Variants in CSGALNACT1 observed in about 807,000 individuals in gnomAD.
The protein encoded by CSGALNACT1 is beta4GalNAcT-1.
In CSGALNACT1, 52 loss-of-function variants were observed where a neutral mutation model predicts 51.0. The ratio of observed to expected loss-of-function variants is 1.02; its 90% confidence interval spans 0.82 to 1.29. CSGALNACT1 has a LOEUF of 1.29. Among genes scored for constraint, CSGALNACT1 ranks in the 50% most tolerant of loss-of-function variants. The probability of loss-of-function intolerance (pLI) is 0.00; values close to 1 mark genes in which losing one functional copy is unlikely to be tolerated. For missense variants in CSGALNACT1, 935 were observed against 679.2 expected (o/e 1.38, Z -4.19); for synonymous variants, 341 against 254.4 (o/e 1.34, Z -3.24).
intron 1 of CSGALNACT1, among the ~76,000 whole-genome samples, chr8:19,667,007 GAAAGA>G (rs1564386078): frequency 1.5e-3 from 46 of 31,676 alleles, no homozygotes; most frequent in South Asian, 3.6e-3. Context: ...AAGAAAGAAA[GAAAGA>G]AAGAAAGGAA....
chr8:19,553,442 G>A (rs1346511727), intron 3 of CSGALNACT1, among the ~76,000 whole-genome samples: 2 of 151,748 alleles, frequency 1.3e-5, no homozygotes, highest in Non-Finnish European at 1.5e-5. Flanking sequence ...TCTATCTTCT[G>A]GCATTTGGGA....
chr8:19,625,332 T>G (rs1313356661), intron 1 of CSGALNACT1, among the ~76,000 whole-genome samples: 2 of 152,246 alleles, frequency 1.3e-5, no homozygotes, highest in African/African-American at 4.8e-5. Flanking sequence ...ACTTCATACA[T>G]GCTGTGTTTA....
chr8:19,707,047 C>T (rs2062213553), intron 1 of CSGALNACT1, among the ~76,000 whole-genome samples: 1 of 152,066 alleles, frequency 6.6e-6, no homozygotes, highest in African/African-American at 2.4e-5. Flanking sequence ...CCGGGAAGCT[C>T]TTACCAGCAC....
intron 3 of CSGALNACT1, among the ~76,000 whole-genome samples, chr8:19,570,684 G>C (rs4282588): frequency 0.19 from 28,269 of 152,106 alleles, 4,389 homozygotes; most frequent in African/African-American, 0.43. Context: ...GGCAGATCAC[G>C]AGGGTAGGAG....
chr8:19,687,319 G>C (rs2061032190), upstream of CSGALNACT1, among the ~76,000 whole-genome samples: 1 of 152,126 alleles, frequency 6.6e-6, no homozygotes, highest in Non-Finnish European at 1.5e-5. Flanking sequence ...CTACTAGGCA[G>C]AAAAACTTAG....
At chr8:19,420,502 T>C in exon 7 of CSGALNACT1, 1 of 1,614,070 alleles carries the variant, frequency 6.2e-7, no homozygotes, top group Non-Finnish European at 8.5e-7. Flanking sequence ...AAGGTAAAGT[T>C]CCTGAAGTTG....
chr8:19,578,322 C>G (rs1363708289), intron 3 of CSGALNACT1, among the ~76,000 whole-genome samples: 1 of 152,196 alleles, frequency 6.6e-6, no homozygotes, highest in Non-Finnish European at 1.5e-5. Flanking sequence ...GGATGGCTCA[C>G]TGGAGTGACC....
rs143165789 is a variant in CSGALNACT1 at position 19,668,848 on chromosome 8, C to T, written c.-544+13625G>A. Among the ~76,000 whole-genome samples, 427 of 152,246 alleles carry T rather than the reference C, an allele frequency of 2.8e-3. 3 individuals are homozygous for T. Among genetic ancestry groups the T allele is most frequent in the African/African-American group, 9.5e-3 (393 of 41,538 alleles). On this transcript the variant is annotated intron_variant, in intron 1 of 9. Transcript: ENST00000332246. Reference sequence around the variant, plus strand: ...GATTACAGGAGTGAGCCACTGTGCCCGGCCTGCCAATTTATTTAAAATGGG... The same window carrying T: ...GATTACAGGAGTGAGCCACTGTGCCTGGCCTGCCAATTTATTTAAAATGGG...
chr8:19,700,118 A>C (rs1171031803), intron 1 of CSGALNACT1, among the ~76,000 whole-genome samples: 1 of 71,240 alleles, frequency 1.4e-5, no homozygotes, highest in African/African-American at 4.3e-5. Context: ...TCTCAAAAAA[A>C]AAAAAAAGAA....
chr8:19,515,853 G>T (rs1389430873), intron 3 of CSGALNACT1, among the ~76,000 whole-genome samples: 1 of 152,256 alleles, frequency 6.6e-6, no homozygotes, highest in East Asian at 1.9e-4. Flanking sequence ...AAGACCTAAG[G>T]CAGGTAGTTG....
chr8:19,531,282 T>G (rs901146601), intron 3 of CSGALNACT1, among the ~76,000 whole-genome samples: 1 of 152,144 alleles, frequency 6.6e-6, no homozygotes, highest in African/African-American at 2.4e-5. Context: ...ATAATCAGTC[T>G]GCCAGAATTT....
At position 19,474,513 on chromosome 8, in the gene CSGALNACT1, G is replaced by A. The variant is rs145892534; in HGVS notation, c.635-15871C>T. Among the ~76,000 whole-genome samples the A allele has an allele frequency of 4.0e-4, 61 of 152,224 alleles. No individual in the cohort carries two copies. In the East Asian group the frequency reaches 8.7e-3, roughly 22 times the overall value. On this transcript the variant is annotated intron_variant, in intron 4 of 9. Transcript: ENST00000454498. ...GACTAAAGCCCAGATGATAGTGAATGGAGAGATATGCTTCGGCTGACCCAT... is the reference window on the plus strand; with the variant it reads ...GACTAAAGCCCAGATGATAGTGAATAGAGAGATATGCTTCGGCTGACCCAT...
At chr8:19,722,967 T>C (rs1435764291) in intron 1 of CSGALNACT1, among the ~76,000 whole-genome samples, 2 of 152,232 alleles carry the variant, frequency 1.3e-5, no homozygotes, top group Non-Finnish European at 2.9e-5. Context: ...TGGCTGTCAC[T>C]ACTACCTGCC....
intron 1 of CSGALNACT1, among the ~76,000 whole-genome samples, chr8:19,680,226 G>C (rs921501719): frequency 2.6e-5 from 4 of 151,886 alleles, no homozygotes; most frequent in African/African-American, 9.7e-5. Flanking sequence ...AAAAATATTT[G>C]GAAAAATAAA....
chr8:19,546,560 AATT>A (rs1481542480), intron 3 of CSGALNACT1, among the ~76,000 whole-genome samples: 1 of 152,252 alleles, frequency 6.6e-6, no homozygotes, highest in Non-Finnish European at 1.5e-5. Flanking sequence ...TGTGGCATCA[AATT>A]ATTTAGAAAA....
intron 3 of CSGALNACT1, among the ~76,000 whole-genome samples, chr8:19,585,589 A>G (rs1198042892): frequency 1.3e-5 from 2 of 152,100 alleles, no homozygotes; most frequent in Non-Finnish European, 2.9e-5. Context: ...ACACCCCTTT[A>G]CTATCTCCCT....
intron 3 of CSGALNACT1, among the ~76,000 whole-genome samples, chr8:19,513,775 C>T (rs898657648): frequency 1.3e-5 from 2 of 151,982 alleles, no homozygotes; most frequent in African/African-American, 4.8e-5. Flanking sequence ...ATAAATACTG[C>T]AGTCAACTGT....
intron 1 of CSGALNACT1, among the ~76,000 whole-genome samples, chr8:19,709,479 T>A (rs1249091881): frequency 6.6e-6 from 1 of 152,066 alleles, no homozygotes; most frequent in East Asian, 1.9e-4. Flanking sequence ...GGTTAGCTGG[T>A]GAAGGGTGGG....
chr8:19,681,100 C>A (rs186012905), intron 1 of CSGALNACT1, among the ~76,000 whole-genome samples: 40 of 152,142 alleles, frequency 2.6e-4, no homozygotes, highest in African/African-American at 8.7e-4. Flanking sequence ...GGAACCAATC[C>A]CCTGAAGATA....
Sources: allele counts gnomAD v4.1 joint callset (sites outside exome capture counted in the v4.1 genomes callset), GRCh38; gene constraint gnomAD v4.1.1; transcripts MANE v1.5; gene names NCBI Gene and HGNC (gene_info 2026-07-23, HGNC 2026-07-21).